The following FGGY variants were observed in gnomAD, a reference collection of about 807,000 sequenced individuals.
The protein encoded by FGGY is FGGY carbohydrate kinase domain-containing protein.
Under a neutral mutation model 71.3 loss-of-function variants are expected in FGGY, and 72 were observed. The observed-to-expected ratio is 1.01, with a 90% CI of 0.84 to 1.23. The LOEUF (loss-of-function observed/expected upper bound fraction) is 1.23, where lower values mean the gene tolerates loss of function less well. Among genes scored for constraint, FGGY ranks in the 50% most tolerant of loss-of-function variants. The pLI is 0.00. For missense variants in FGGY, 668 were observed against 682.3 expected, an observed-to-expected ratio of 0.98 and a Z score of 0.23; for synonymous variants, 251 against 250.3, an observed-to-expected ratio of 1.00 and a Z score of -0.02.
intron 14 of FGGY, among the ~76,000 whole-genome samples, chr1:59,705,110 T>C (rs72666295): frequency 0.27 from 40,932 of 152,102 alleles, 5,701 homozygotes; most frequent in Admixed American, 0.35. Flanking sequence ...GGGTTGTTTG[T>C]CCTTTCCTCA....
intron 7 of FGGY, among the ~76,000 whole-genome samples, chr1:59,521,447 C>A (rs1021649612): frequency 6.6e-6 from 1 of 152,126 alleles, no homozygotes; most frequent in African/African-American, 2.4e-5. Flanking sequence ...GAATCCAGGG[C>A]CTGGTGCTAT....
intron 14 of FGGY, among the ~76,000 whole-genome samples, chr1:59,734,366 C>A (rs745449448): frequency 2.6e-5 from 4 of 152,138 alleles, no homozygotes; most frequent in Non-Finnish European, 5.9e-5. Context: ...CCACACCCAG[C>A]TAATTTTTTG....
At chr1:59,550,079 C>A (rs1183766415) in intron 7 of FGGY, among the ~76,000 whole-genome samples, 1 of 152,048 alleles carries the variant, frequency 6.6e-6, no homozygotes, top group East Asian at 2.0e-4. Flanking sequence ...TCAGGGAAAA[C>A]ACAGTTGATG....
At chr1:59,456,856 C>T in intron 5 of FGGY, 105 bp from the exon 6 acceptor site, 1 of 685,732 alleles carries the variant, frequency 1.5e-6, no homozygotes, top group East Asian at 2.7e-5. Context: ...TGGCTTATTC[C>T]ACTTCTTTAA....
rs371846065 is a variant in FGGY, at chr1:59,410,461, T to C, written c.554+31624T>C. ...AGTGAGGATTTGAACCTAAGACCTC[T>C]TACAATAAAATTATGTTCTTTCCAC... is the stretch of plus-strand genomic sequence containing the variant. On this transcript the variant is annotated intron_variant, in intron 5 of 15. Coordinates refer to ENST00000303721, the MANE Select transcript of FGGY (RefSeq NM_018291.5). 1.2e-3 allele frequency among the ~76,000 whole-genome samples: 183 copies of C among 152,326 alleles called. 3 individuals are homozygous for C. The highest frequency in any genetic ancestry group is 3.4e-3 in the Middle Eastern group (1 of 294).
At chr1:59,724,169 A>C (rs1558913552) in intron 14 of FGGY, among the ~76,000 whole-genome samples, 1 of 149,560 alleles carries the variant, frequency 6.7e-6, no homozygotes, top group Non-Finnish European at 1.5e-5. Flanking sequence ...TCTCAATTAA[A>C]AAATTAAAGT....
At chr1:59,623,313 C>T (rs2096827649) in intron 9 of FGGY, among the ~76,000 whole-genome samples, 1 of 152,116 alleles carries the variant, frequency 6.6e-6, no homozygotes, top group South Asian at 2.1e-4. Flanking sequence ...TTATGACATT[C>T]AAGACACACT....
At chr1:59,516,751 C>T (rs934470238) in intron 7 of FGGY, among the ~76,000 whole-genome samples, 2 of 152,152 alleles carry the variant, frequency 1.3e-5, no homozygotes, top group African/African-American at 2.4e-5. Flanking sequence ...AAGAGGCCAT[C>T]CAGGCCTCTC....
intron 14 of FGGY, among the ~76,000 whole-genome samples, chr1:59,698,455 C>A (rs537931048): frequency 6.6e-6 from 1 of 152,266 alleles, no homozygotes; most frequent in South Asian, 2.1e-4. Flanking sequence ...CCCACACCCC[C>A]ATTACCAAAG....
intron 9 of FGGY, among the ~76,000 whole-genome samples, chr1:59,612,067 A>G (rs1468992796): frequency 6.6e-6 from 1 of 152,260 alleles, no homozygotes; most frequent in Non-Finnish European, 1.5e-5. Context: ...CAACTGGGAA[A>G]ACACTCTGCA....
intron 9 of FGGY, among the ~76,000 whole-genome samples, chr1:59,616,266 A>T (rs2096752488): frequency 1.3e-5 from 2 of 152,370 alleles, no homozygotes; most frequent in South Asian, 4.1e-4. Flanking sequence ...CTGGATTAAG[A>T]AAATGTGGCA....
intron 8 of FGGY, among the ~76,000 whole-genome samples, chr1:59,599,686 C>CAAA (rs76397509): frequency 1.4e-4 from 7 of 49,408 alleles, no homozygotes; most frequent in African/African-American, 2.8e-4. Flanking sequence ...GAGCAAGACT[C>CAAA]AAAAAAAAAA....
chr1:59,639,957 G>A (rs553178120), intron 11 of FGGY, among the ~76,000 whole-genome samples: 1 of 152,174 alleles, frequency 6.6e-6, no homozygotes, highest in African/African-American at 2.4e-5. Flanking sequence ...CCCAAATGCA[G>A]AATGAAATTC....
At chr1:59,514,961 A>G (rs1171730926) in intron 7 of FGGY, among the ~76,000 whole-genome samples, 1 of 152,230 alleles carries the variant, frequency 6.6e-6, no homozygotes, top group Non-Finnish European at 1.5e-5. Context: ...TGTGGACACA[A>G]CTTTGGTACT....
intron 11 of FGGY, among the ~76,000 whole-genome samples, chr1:59,642,827 C>T (rs944208797): frequency 4.6e-5 from 7 of 151,722 alleles, no homozygotes; most frequent in East Asian, 2.0e-4. Flanking sequence ...GTCAGGAGAT[C>T]GAGACCATCC....
chr1:59,552,924 G>A (rs192223589), intron 7 of FGGY, among the ~76,000 whole-genome samples: 31 of 152,288 alleles, frequency 2.0e-4, no homozygotes, highest in Admixed American at 2.0e-3. Flanking sequence ...ATAGAAGGGA[G>A]GCAGATGGGA....
At chr1:59,329,570 G>A (rs1384027829) in intron 2 of FGGY, among the ~76,000 whole-genome samples, 3 of 152,206 alleles carry the variant, frequency 2.0e-5, no homozygotes, top group African/African-American at 7.2e-5. Flanking sequence ...TTGCATTCCT[G>A]GCTCATCTCA....
chr1:59,346,797 A>T (rs1175108241), intron 4 of FGGY, among the ~76,000 whole-genome samples: 1 of 151,008 alleles, frequency 6.6e-6, no homozygotes, highest in Non-Finnish European at 1.5e-5. Context: ...CTCCAAAATC[A>T]TTTTTTTTTA....
intron 6 of FGGY, among the ~76,000 whole-genome samples, chr1:59,488,817 A>G (rs1345737923): frequency 6.6e-6 from 1 of 151,876 alleles, no homozygotes; most frequent in African/African-American, 2.4e-5. Flanking sequence ...GATTCCAGTA[A>G]TGGATTTACC....
Sources: allele counts gnomAD v4.1 joint callset (sites outside exome capture counted in the v4.1 genomes callset), GRCh38; gene constraint gnomAD v4.1.1; transcripts MANE v1.5; gene names NCBI Gene and HGNC (gene_info 2026-07-23, HGNC 2026-07-21).